NUP153: variants seen among roughly 807,000 people sequenced by gnomAD.
The protein encoded by NUP153 is nuclear pore complex protein Nup153.
Under a neutral mutation model 134.6 loss-of-function variants are expected in NUP153, and 27 were observed. The observed-to-expected ratio is 0.20, with a 90% CI of 0.15 to 0.28. The LOEUF is 0.28. Ranked by LOEUF, NUP153 falls within the 10% of genes least tolerant of loss-of-function variation. The pLI, the probability that NUP153 is intolerant of heterozygous loss-of-function variation, is 1.00. For missense variants in NUP153, 1,821 were observed against 1,731.3 expected (o/e 1.05, Z -0.92); for synonymous variants, 640 against 623.5 (o/e 1.03, Z -0.40).
chr6:17,652,640 A>G (rs1766567051), intron 11 of NUP153, among the ~76,000 whole-genome samples: 1 of 152,208 alleles, frequency 6.6e-6, no homozygotes, highest in South Asian at 2.1e-4. Context: ...ATGAGTAGGC[A>G]AGCAACACTG....
At chr6:17,687,335 C>T (rs755300908) in intron 2 of NUP153, among the ~76,000 whole-genome samples, 1 of 152,094 alleles carries the variant, frequency 6.6e-6, no homozygotes, top group Admixed American at 6.5e-5. Context: ...AAAAGAAAAG[C>T]CAGAGTCCCT....
Position 17,688,559 on chromosome 6 carries a change from T to G in NUP153, c.171A>C (p.Arg57Ser). The G allele has an allele frequency of 6.2e-7, 1 of 1,614,152 alleles. No individual in the cohort carries two copies. The highest frequency in any genetic ancestry group is 8.5e-7 in the Non-Finnish European group (1 of 1,179,998). ...ATACATCTTCATTCTTGTTGAAGTA[T>G]CTTTGTAGCCACCCTGGCACAATAT... ...VKNIVPGWLQ[R>S]YFNKNEDVCS... The change falls in exon 2 of 22, where the codon AGA (arginine) becomes AGC (serine). Residue 57 changes from arginine (R) to serine (S), a missense_variant. Arg to Ser is a moderately radical substitution (Grantham distance 110). Coordinates refer to ENST00000262077, the MANE Select transcript of NUP153 (RefSeq NM_005124.4).
chr6:17,638,332 T>A lies in NUP153; in HGVS notation c.1847-562A>T, dbSNP rs1267694201. 6.6e-6 allele frequency among the ~76,000 whole-genome samples: 1 copy of A among 152,274 alleles called. No individual in the cohort carries two copies. Among genetic ancestry groups the A allele is most frequent in the South Asian group, 2.1e-4 (1 of 4,838 alleles). ...GTATTTTACTCATGAGAATGACTTT[T>A]GTAATTGTTTACTTAGGACCAGTTA... is the stretch of plus-strand genomic sequence containing the variant. On this transcript the variant is annotated intron_variant, in intron 15 of 21. Transcript: ENST00000262077. This position sits in a 1 kb window ranked among gnomAD's most constrained non-coding sequence, Gnocchi z 4.0.
intron 21 of NUP153, 87 bp from the exon 22 acceptor site, chr6:17,616,268 T>TA: frequency 2.3e-6 from 1 of 432,400 alleles, no homozygotes; most frequent in Non-Finnish European, 3.8e-6. Flanking sequence ...AGCACAAGGG[T>TA]AAGGGGGGTC....
chr6:17,667,124 CTCT>C (rs1403481529), intron 8 of NUP153, among the ~76,000 whole-genome samples: 5 of 152,044 alleles, frequency 3.3e-5, no homozygotes, highest in Non-Finnish European at 7.4e-5. Context: ...AAAATTTCAC[CTCT>C]TATTATAAAA....
At chr6:17,652,244 A>G (rs1039474242) in intron 11 of NUP153, among the ~76,000 whole-genome samples, 6 of 150,976 alleles carry the variant, frequency 4.0e-5, no homozygotes, top group African/African-American at 1.5e-4. Flanking sequence ...ACTACAGAAT[A>G]TATTTTCTTT....
At chr6:17,641,625 A>C (rs1172011222) in intron 14 of NUP153, among the ~76,000 whole-genome samples, 2 of 151,902 alleles carry the variant, frequency 1.3e-5, no homozygotes, top group Admixed American at 1.3e-4. Flanking sequence ...AGGCTGAGGC[A>C]GGCAGATCAC....
chr6:17,674,857 T>TAAAAAAAAAG (rs1561895064), intron 5 of NUP153, 48 bp downstream of exon 5: 4 of 1,362,544 alleles, frequency 2.9e-6, no homozygotes, highest in Non-Finnish European at 3.9e-6. Flanking sequence ...AGTTAAAGTG[T>TAAAAAAAAAG]AAAAAAAAAG....
chr6:17,682,713 T>C (rs1390937933), intron 2 of NUP153, among the ~76,000 whole-genome samples: 3 of 151,868 alleles, frequency 2.0e-5, no homozygotes, highest in Non-Finnish European at 4.4e-5. Flanking sequence ...GGTCAGGAGC[T>C]CGAGACCATC....
chr6:17,686,290 T>C (rs1768919045), intron 2 of NUP153, among the ~76,000 whole-genome samples: 2 of 152,118 alleles, frequency 1.3e-5, no homozygotes, highest in South Asian at 4.1e-4. Context: ...CTGAAGAGTA[T>C]CCAGTGCGAC....
intron 1 of NUP153, among the ~76,000 whole-genome samples, chr6:17,693,216 A>ACACT (rs761937441): frequency 2.0e-5 from 3 of 149,674 alleles, no homozygotes; most frequent in Admixed American, 6.7e-5. Context: ...ACACACACAC[A>ACACT]CTTATAAAAT....
rs1770524030 is a variant in NUP153, at chr6:17,706,656, G to C, written c.-269C>G. The C allele has an allele frequency of 1.9e-6, 1 of 539,278 alleles. No homozygotes were observed. Among genetic ancestry groups the C allele is most frequent in the African/African-American group, 2.0e-5 (1 of 49,256 alleles). The allele number at this position is 539,278 out of a possible 1,614,324, so 33.4% of individuals were successfully genotyped here. On this transcript the variant is annotated 5_prime_UTR_variant, in exon 1 of 22. Coordinates refer to ENST00000262077, the MANE Select transcript of NUP153 (RefSeq NM_005124.4). This position sits in a 1 kb window ranked among gnomAD's most constrained non-coding sequence, Gnocchi z 5.9. The stretch of plus-strand genomic sequence containing the variant: ...CCTCTGCGGACCCCCGCCTCTGTGT[G>C]TGTCACGGTCTCTATGGAGATCTCC...
intron 8 of NUP153, 85 bp from the exon 9 acceptor site, chr6:17,665,470 C>A: frequency 9.6e-7 from 1 of 1,044,408 alleles, no homozygotes; most frequent in Non-Finnish European, 1.4e-6. Context: ...CTAACATGAC[C>A]TAAAGACCAT....
intron 11 of NUP153, among the ~76,000 whole-genome samples, chr6:17,651,206 G>C (rs1001563549): frequency 6.6e-6 from 1 of 152,260 alleles, no homozygotes; most frequent in Admixed American, 6.5e-5. Context: ...GGGAGGCTGA[G>C]GTGGGAGAAT....
At chr6:17,679,316 T>C (rs1416667559) in intron 2 of NUP153, among the ~76,000 whole-genome samples, 1 of 152,046 alleles carries the variant, frequency 6.6e-6, no homozygotes, top group African/African-American at 2.4e-5. Context: ...TATTTAGGAA[T>C]GAACCAAGGT....
intron 11 of NUP153, among the ~76,000 whole-genome samples, chr6:17,651,567 T>C (rs1372862452): frequency 6.6e-6 from 1 of 152,066 alleles, no homozygotes; most frequent in African/African-American, 2.4e-5. Context: ...AATATAAACA[T>C]GGACAGGCTC....
chr6:17,703,294 A>G (rs564912272), intron 1 of NUP153, among the ~76,000 whole-genome samples: 1 of 152,174 alleles, frequency 6.6e-6, no homozygotes, highest in South Asian at 2.1e-4. Flanking sequence ...AAGTCAAAAC[A>G]GGAAATTACA....
At chr6:17,622,908 A>G (rs960646444) in intron 20 of NUP153, among the ~76,000 whole-genome samples, 12 of 152,100 alleles carry the variant, frequency 7.9e-5, no homozygotes, top group African/African-American at 2.9e-4. Flanking sequence ...AGGTGGGTGG[A>G]TCATGAGGTC....
At chr6:17,650,832 G>A (rs1581704693) in intron 11 of NUP153, among the ~76,000 whole-genome samples, 2 of 152,212 alleles carry the variant, frequency 1.3e-5, no homozygotes, top group Middle Eastern at 6.8e-3. Context: ...CTCTCCAGAT[G>A]TAATACAAGT....
Sources: allele counts gnomAD v4.1 joint callset (sites outside exome capture counted in the v4.1 genomes callset), GRCh38; gene constraint gnomAD v4.1.1; non-coding constraint Gnocchi (gnomAD v3.1); transcripts MANE v1.5; gene names NCBI Gene and HGNC (gene_info 2026-07-23, HGNC 2026-07-21).